Variants in FGF12 observed in about 807,000 individuals in gnomAD.
FGF12 encodes fibroblast growth factor 12B.
Under a neutral mutation model 23.6 loss-of-function variants are expected in FGF12, and 14 were observed. The observed-to-expected ratio is 0.59, with a 90% CI of 0.39 to 0.93. The LOEUF (loss-of-function observed/expected upper bound fraction) is 0.93, where lower values mean the gene tolerates loss of function less well. FGF12 is among the 40% of genes least tolerant of loss of function. The pLI, the probability that FGF12 is intolerant of heterozygous loss-of-function variation, is 0.00. For synonymous variants in FGF12, 62 were observed against 77.3 expected (o/e 0.80, Z 1.04); for missense variants, 175 against 217.8 (o/e 0.80, Z 1.24).
At position 192,655,255 on chromosome 3, in the gene FGF12, A is replaced by C. The variant is rs556978089; in HGVS notation, c.13+71926T>G. On this transcript the variant is annotated intron_variant, in intron 2 of 5. Coordinates refer to ENST00000445105, the MANE Select transcript of FGF12 (RefSeq NM_004113.6). ...GTTGATAGCAACAATGTGCCCAGCT[A>C]CATATCCTAGCCACCCTTGTAGATA... Among the ~76,000 whole-genome samples the C allele has an allele frequency of 2.0e-5, 3 of 152,322 alleles. No homozygotes were observed. The South Asian group carries it at 6.2e-4, about 32-fold the overall frequency.
chr3:192,642,279 A>T, intron 2 of FGF12, among the ~76,000 whole-genome samples: 1 of 152,188 alleles, frequency 6.6e-6, no homozygotes, highest in East Asian at 1.9e-4. Flanking sequence ...CATTACAGAG[A>T]GGGAAACCAG....
chr3:192,336,845 T>C lies in FGF12; in HGVS notation c.125-1381A>G, dbSNP rs80147367. On this transcript the variant is annotated intron_variant, in intron 3 of 5. Transcript: ENST00000445105. The surrounding 1 kb of genome is among the most constrained non-coding windows in gnomAD (Gnocchi z 4.3). ...ATTTGGCTTTCAGTCAAATGTTCAA[T>C]TGACAGTTGTAGAGGATCAAGTCTT... 4.6e-5 allele frequency among the ~76,000 whole-genome samples: 7 copies of C among 152,112 alleles called. No homozygotes were observed. The highest frequency in any genetic ancestry group is 2.1e-4 in the South Asian group (1 of 4,836).
rs77453677 is a variant in FGF12, at chr3:192,182,494, T to C, written c.229-11838A>G. Among the ~76,000 whole-genome samples the C allele has an allele frequency of 3.3e-3, 504 of 152,248 alleles. 8 individuals are homozygous for C. Among genetic ancestry groups the C allele is most frequent in the East Asian group, 0.031 (162 of 5,174 alleles). On this transcript the variant is annotated intron_variant, in intron 4 of 5. Transcript: ENST00000445105. Reference sequence around the variant, plus strand: ...TAATCCCATATAAAAGAATGGCCCCTTCCTCTGAAAAATTACTGAAGGAAG... The same window carrying C: ...TAATCCCATATAAAAGAATGGCCCCCTCCTCTGAAAAATTACTGAAGGAAG...
intron 2 of FGF12, among the ~76,000 whole-genome samples, chr3:192,371,947 G>A (rs1235649706): frequency 6.6e-6 from 1 of 152,118 alleles, no homozygotes; most frequent in Non-Finnish European, 1.5e-5. Context: ...AAACCCTGTG[G>A]AAATCTATAA....
intron 2 of FGF12, among the ~76,000 whole-genome samples, chr3:192,378,019 C>CTTTTTCTTT (rs1560091575): frequency 5.0e-4 from 41 of 81,522 alleles, no homozygotes; most frequent in Non-Finnish European, 8.0e-4. Flanking sequence ...TTTCTTCTGA[C>CTTTTTCTTT]TCTTTCTTTT....
intron 4 of FGF12, among the ~76,000 whole-genome samples, chr3:192,296,636 T>G (rs1420033770): frequency 6.6e-6 from 1 of 152,232 alleles, no homozygotes; most frequent in Non-Finnish European, 1.5e-5. Flanking sequence ...GATTCTTTAT[T>G]TCTTTGTAAA....
chr3:192,416,497 T>C (rs1294140728), intron 2 of FGF12, among the ~76,000 whole-genome samples: 1 of 152,022 alleles, frequency 6.6e-6, no homozygotes, highest in Non-Finnish European at 1.5e-5. Flanking sequence ...TGAGAAAAAG[T>C]GTGAATGAAT....
chr3:192,682,706 C>A (rs574779536), intron 2 of FGF12, among the ~76,000 whole-genome samples: 2 of 152,264 alleles, frequency 1.3e-5, no homozygotes, highest in South Asian at 4.1e-4. Flanking sequence ...GGCCCATGAA[C>A]CACACCTGAG....
intron 4 of FGF12, among the ~76,000 whole-genome samples, chr3:192,176,571 C>T (rs1348738442): frequency 6.6e-6 from 1 of 152,170 alleles, no homozygotes; most frequent in Non-Finnish European, 1.5e-5. Flanking sequence ...AGTCCCTTTA[C>T]CTGTATGAAC....
intron 4 of FGF12, among the ~76,000 whole-genome samples, chr3:192,184,085 A>T (rs1716325436): frequency 6.6e-6 from 1 of 152,150 alleles, no homozygotes; most frequent in Non-Finnish European, 1.5e-5. Flanking sequence ...TTACCCAGGC[A>T]TGGTGACAGG....
intron 2 of FGF12, among the ~76,000 whole-genome samples, chr3:192,569,335 G>T (rs1712489332): frequency 6.6e-6 from 1 of 152,158 alleles, no homozygotes; most frequent in East Asian, 1.9e-4. Flanking sequence ...AGTCTGCTGT[G>T]GATTTGAGTC....
At chr3:192,536,453 T>C (rs1306816199) in intron 2 of FGF12, among the ~76,000 whole-genome samples, 2 of 152,140 alleles carry the variant, frequency 1.3e-5, no homozygotes, top group Non-Finnish European at 2.9e-5. Context: ...CATGGTGCCA[T>C]CATGTGTGAA....
intron 2 of FGF12, among the ~76,000 whole-genome samples, chr3:192,712,994 T>A (rs1289080195): frequency 2.6e-5 from 4 of 152,112 alleles, no homozygotes; most frequent in Non-Finnish European, 4.4e-5. Flanking sequence ...GAGATTCAGA[T>A]AACTGGCAGG....
At position 192,423,946 on chromosome 3, in the gene FGF12, C is replaced by T. The variant is rs556187267; in HGVS notation, c.14-63408G>A. Among the ~76,000 whole-genome samples the T allele has an allele frequency of 2.6e-5, 4 of 152,254 alleles. No individual in the cohort carries two copies. The South Asian group carries it at 6.2e-4, about 24-fold the overall frequency. On this transcript the variant is annotated intron_variant, in intron 2 of 5. Transcript: ENST00000445105. The stretch of plus-strand genomic sequence containing the variant: ...GATGCATAAAGAGAAGCTCAGGCTG[C>T]TGAGGAAGTGGTCCAAGGTCACACT...
intron 2 of FGF12, among the ~76,000 whole-genome samples, chr3:192,510,163 C>G (rs1262723361): frequency 6.6e-6 from 1 of 152,096 alleles, no homozygotes; most frequent in Non-Finnish European, 1.5e-5. Flanking sequence ...TTTCATTTGT[C>G]TGAGCAAGTC....
chr3:192,324,577 T>C (rs1045083439), intron 4 of FGF12, among the ~76,000 whole-genome samples: 1 of 152,202 alleles, frequency 6.6e-6, no homozygotes, highest in Non-Finnish European at 1.5e-5. Flanking sequence ...GTTTTACACA[T>C]AAGAAAACAA....
chr3:192,183,335 T>A (rs774220217), intron 4 of FGF12, among the ~76,000 whole-genome samples: 7 of 152,188 alleles, frequency 4.6e-5, no homozygotes, highest in East Asian at 3.8e-4. Flanking sequence ...CAAGCCTGCA[T>A]GGACTGTCAC....
intron 2 of FGF12, among the ~76,000 whole-genome samples, chr3:192,422,558 C>T (rs1721566148): frequency 6.6e-6 from 1 of 152,118 alleles, no homozygotes; most frequent in Non-Finnish European, 1.5e-5. Flanking sequence ...GCCACAAAGC[C>T]CTTCTCTATA....
intron 2 of FGF12, among the ~76,000 whole-genome samples, chr3:192,602,252 A>C (rs540903966): frequency 6.6e-6 from 1 of 152,272 alleles, no homozygotes; most frequent in South Asian, 2.1e-4. Flanking sequence ...TGAGAACTTA[A>C]AATGGCTCAA....
Sources: gnomAD v4.1 joint callset for allele counts (sites outside exome capture counted in the v4.1 genomes callset) on GRCh38, gnomAD v4.1.1 for gene constraint, Gnocchi (gnomAD v3.1) non-coding constraint, MANE v1.5 for transcripts, NCBI Gene and HGNC (gene_info 2026-07-23, HGNC 2026-07-21) for gene names.